WHRN: variants seen among roughly 807,000 people sequenced by gnomAD.
The protein encoded by WHRN is whirlin.
A neutral mutation model predicts 68.3 loss-of-function variants in WHRN; 41 were observed. The ratio of observed to expected loss-of-function variants is 0.60; its 90% confidence interval spans 0.47 to 0.78. The LOEUF is 0.78. Ranked by LOEUF, WHRN falls within the 30% of genes least tolerant of loss-of-function variation. The probability of loss-of-function intolerance (pLI) is 0.00; values close to 1 mark genes in which losing one functional copy is unlikely to be tolerated. For missense variants in WHRN, 1,243 were observed against 1,244.7 expected (o/e 1.00, Z 0.02); for synonymous variants, 560 against 561.3 (o/e 1.00, Z 0.03).
chr9:114,454,091 A>G (rs1839567901), intron 3 of WHRN, among the ~76,000 whole-genome samples: 2 of 152,244 alleles, frequency 1.3e-5, no homozygotes, highest in African/African-American at 4.8e-5. Flanking sequence ...ACATACATTC[A>G]GGATACTCTC....
intron 2 of WHRN, among the ~76,000 whole-genome samples, chr9:114,467,258 G>A (rs960378131): frequency 6.6e-6 from 1 of 152,058 alleles, no homozygotes; most frequent in Non-Finnish European, 1.5e-5. Context: ...ACATACATAG[G>A]GTGCACCCAC....
chr9:114,424,621 G>A lies in WHRN; in HGVS notation c.1204-75C>T, dbSNP rs1589108220. On this transcript the variant is annotated intron_variant, in intron 5 of 11. Coordinates refer to ENST00000362057, the MANE Select transcript of WHRN (RefSeq NM_015404.4). ...TGAGTGGCCATGCCACTCCCCCTCT[G>A]CCCTTCCATCCTGTCTAAGTGTGGT... 6 of 1,462,704 alleles carry A rather than the reference G, an allele frequency of 4.1e-6. No individual in the cohort carries two copies. In the East Asian group the frequency reaches 1.2e-4, roughly 30 times the overall value. The allele number at this position is 1,462,704 out of a possible 1,614,324, so 90.6% of individuals were successfully genotyped here. A position where few individuals can be genotyped will look rare whatever the true frequency, so the allele number is the denominator to read the frequency against.
intron 2 of WHRN, among the ~76,000 whole-genome samples, chr9:114,471,566 T>C (rs1320662083): frequency 6.6e-6 from 1 of 152,186 alleles, no homozygotes; most frequent in African/African-American, 2.4e-5. Context: ...GCCCAGTCTA[T>C]AAAAAGAATT....
chr9:114,468,241 TG>T (rs1435340774), intron 2 of WHRN, among the ~76,000 whole-genome samples: 3 of 152,218 alleles, frequency 2.0e-5, no homozygotes, highest in African/African-American at 7.2e-5. Flanking sequence ...GGCCACTCTC[TG>T]GCCCCTAGCA....
intron 3 of WHRN, among the ~76,000 whole-genome samples, chr9:114,448,285 A>G (rs1004089927): frequency 2.0e-5 from 3 of 152,170 alleles, no homozygotes; most frequent in Non-Finnish European, 4.4e-5. Flanking sequence ...AGGGGCAGAG[A>G]CTAGAGTGAC....
In WHRN at chr9:114,403,277, GC is replaced by G; in HGVS notation, c.2480del (p.Gly827AlafsTer37). On this transcript the variant is annotated frameshift_variant, in exon 11 of 12. Coordinates refer to ENST00000362057, the MANE Select transcript of WHRN (RefSeq NM_015404.4). LOFTEE classifies it high-confidence loss of function. ...VRVKKSAATL[G>X]IAIEGGANTR... is the part of the protein sequence containing the mutation. Reference sequence around the variant, plus strand: ...TGTTGGCGCCACCCTCGATGGCGATGCCCAGGGTGGCCGCACTTTTCTTCAC... The same window carrying G: ...TGTTGGCGCCACCCTCGATGGCGATGCCAGGGTGGCCGCACTTTTCTTCAC... 6.2e-7 allele frequency: 1 copy of G among 1,614,134 alleles called. No individual in the cohort carries two copies.
chr9:114,477,428 C>A (rs1841740470), intron 2 of WHRN, among the ~76,000 whole-genome samples: 1 of 152,190 alleles, frequency 6.6e-6, no homozygotes, highest in Non-Finnish European at 1.5e-5. Context: ...ATATCAGGGA[C>A]CATTTCAGCC....
At chr9:114,467,890 G>A (rs542832162) in intron 2 of WHRN, among the ~76,000 whole-genome samples, 26 of 152,276 alleles carry the variant, frequency 1.7e-4, no homozygotes, top group East Asian at 7.7e-4. Flanking sequence ...GACAGGGAGC[G>A]GTGGGAGAAC....
intron 3 of WHRN, among the ~76,000 whole-genome samples, chr9:114,448,083 A>G (rs1179188883): frequency 6.6e-6 from 1 of 152,186 alleles, no homozygotes; most frequent in Non-Finnish European, 1.5e-5. Context: ...TCCAAGTTCT[A>G]GCCCCCAGTA....
rs765864891 is a variant in WHRN, at chr9:114,407,947, C to T, written c.1698G>A (p.Val566=). ...ACCAAAGGGCCAGCCAGGGCCTTAC[C>T]ACGGACACATCTGGGAGGGCGTTGA... is the stretch of plus-strand genomic sequence containing the variant. ...GNINALPDVS[V]DDVRSTSQGL... is the part of the protein sequence containing the mutation. Residue 566 remains valine, a splice_region_variant and synonymous_variant, in exon 8 of 12, where the codon GTG becomes GTA. Transcript: ENST00000362057. 4 of 1,599,444 alleles carry T rather than the reference C, an allele frequency of 2.5e-6. No individual in the cohort carries two copies. Among genetic ancestry groups the T allele is most frequent in the Non-Finnish European group, 3.4e-6 (4 of 1,172,110 alleles).
At chr9:114,450,095 C>G (rs1839190537) in intron 3 of WHRN, among the ~76,000 whole-genome samples, 1 of 152,140 alleles carries the variant, frequency 6.6e-6, no homozygotes, top group South Asian at 2.1e-4. Context: ...GGGATAGGCA[C>G]TCCCGAGGGC....
intron 3 of WHRN, among the ~76,000 whole-genome samples, chr9:114,462,670 C>G (rs749082934): frequency 6.6e-6 from 1 of 152,218 alleles, no homozygotes; most frequent in Admixed American, 6.5e-5. Context: ...TAGTTAAGAA[C>G]GTGGACTCAG....
intron 3 of WHRN, among the ~76,000 whole-genome samples, chr9:114,436,657 C>T (rs1053681995): frequency 2.6e-5 from 4 of 152,102 alleles, no homozygotes; most frequent in East Asian, 1.9e-4. Flanking sequence ...GGTGAAACCC[C>T]GTCTCTACCA....
At chr9:114,471,782 G>A (rs891812666) in intron 2 of WHRN, among the ~76,000 whole-genome samples, 2 of 152,220 alleles carry the variant, frequency 1.3e-5, no homozygotes, top group African/African-American at 4.8e-5. Flanking sequence ...AGGCATGGTG[G>A]GGGATGTCTG....
chr9:114,424,547 C>T lies in WHRN; in HGVS notation c.1204-1G>A. The T allele has an allele frequency of 6.2e-7, 1 of 1,609,442 alleles. No individual in the cohort carries two copies. Among genetic ancestry groups the T allele is most frequent in the Admixed American group, 1.7e-5 (1 of 59,258 alleles). On this transcript the variant is annotated splice_acceptor_variant, in intron 5 of 11. Transcript: ENST00000362057. LOFTEE classifies it high-confidence loss of function. ...CGGCTGGGCCCTTGTAAAATCCTGG[C>T]TGCAAGACAGAAAGATAGAAGCCCA...
intron 1 of WHRN, among the ~76,000 whole-genome samples, chr9:114,501,374 T>G (rs910638430): frequency 2.4e-4 from 36 of 152,178 alleles, no homozygotes; most frequent in African/African-American, 8.0e-4. Context: ...GAAGCCCCAA[T>G]GGATATAGGA....
Position 114,424,514 on chromosome 9 carries a change from C to A in WHRN, c.1236G>T (p.Gln412His). The change falls in exon 6 of 12, where the codon CAG becomes CAT. Residue 412 changes from glutamine (Q) to histidine (H), a missense_variant. Coordinates refer to ENST00000362057, the MANE Select transcript of WHRN (RefSeq NM_015404.4). Reference sequence around the variant, plus strand: ...GGTTCCCCAGGCTGCTCAGGGTCACCTGGGAGCCGGCTGGGCCCTTGTAAA... The same window carrying A: ...GGTTCCCCAGGCTGCTCAGGGTCACATGGGAGCCGGCTGGGCCCTTGTAAA... ...PGFYKGPAGS[Q>H]VTLSSLGNQT... is the part of the protein sequence containing the mutation. 1 of 1,613,780 alleles carries A rather than the reference C, an allele frequency of 6.2e-7. No homozygotes were observed. Among genetic ancestry groups the A allele is most frequent in the Non-Finnish European group, 8.5e-7 (1 of 1,179,842 alleles).
chr9:114,416,529 C>A (rs1835829120), intron 7 of WHRN, among the ~76,000 whole-genome samples: 1 of 152,186 alleles, frequency 6.6e-6, no homozygotes, highest in South Asian at 2.1e-4. Flanking sequence ...GTGTACAGGA[C>A]TTCCCCCTTC....
chr9:114,414,843 GAA>G (rs1429968463), intron 7 of WHRN, among the ~76,000 whole-genome samples: 1 of 152,194 alleles, frequency 6.6e-6, no homozygotes, highest in Admixed American at 6.5e-5. Context: ...TACTCAAGGA[GAA>G]GACACCTATC....
Sources: gnomAD v4.1 joint callset for allele counts (sites outside exome capture counted in the v4.1 genomes callset) on GRCh38, gnomAD v4.1.1 for gene constraint, MANE v1.5 for transcripts, NCBI Gene and HGNC (gene_info 2026-07-23, HGNC 2026-07-21) for gene names.